AKT3: variants seen among roughly 807,000 people sequenced by gnomAD.
AKT3 encodes AKT serine/threonine kinase 3.
Under a neutral mutation model 65.3 loss-of-function variants are expected in AKT3, and 15 were observed. That is an observed-to-expected ratio of 0.23 (90% CI 0.15 to 0.35). The LOEUF (loss-of-function observed/expected upper bound fraction) is 0.35, where lower values mean the gene tolerates loss of function less well. Ranked by LOEUF, AKT3 falls within the 10% of genes least tolerant of loss-of-function variation. The probability of loss-of-function intolerance (pLI) is 1.00; values close to 1 mark genes in which losing one functional copy is unlikely to be tolerated. For synonymous variants in AKT3, 206 were observed against 183.8 expected, an observed-to-expected ratio of 1.12 and a Z score of -0.98; for missense variants, 243 against 576.5, an observed-to-expected ratio of 0.42 and a Z score of 5.92.
rs1669533056 is a variant in AKT3, at chr1:243,504,479, T to G, written c.*770A>C. 5.1e-6 allele frequency: 1 copy of G among 194,976 alleles called. No homozygotes were observed. Among genetic ancestry groups the G allele is most frequent in the African/African-American group, 2.3e-5 (1 of 43,096 alleles). The allele number at this position is 194,976 out of a possible 1,614,324, so 12.1% of individuals were successfully genotyped here. A position where few individuals can be genotyped will look rare whatever the true frequency, so the allele number is the denominator to read the frequency against. On this transcript the variant is annotated 3_prime_UTR_variant, in exon 14 of 14. Coordinates refer to ENST00000673466, the MANE Select transcript of AKT3 (RefSeq NM_005465.7). ...GGGAAAGATGCTCTCTGGCTCAAAT[T>G]GTTTCATAAGACCCTTTAAGTGACC...
At chr1:243,598,341 A>G (rs1227839201) in intron 8 of AKT3, among the ~76,000 whole-genome samples, 1 of 152,210 alleles carries the variant, frequency 6.6e-6, no homozygotes, top group African/African-American at 2.4e-5. Flanking sequence ...CTGCTAAAAT[A>G]GGGAGCTTAT....
intron 2 of AKT3, among the ~76,000 whole-genome samples, chr1:243,814,239 T>A (rs1693371625): frequency 6.6e-6 from 1 of 152,210 alleles, no homozygotes; most frequent in Non-Finnish European, 1.5e-5. Context: ...TTCTCTTCTT[T>A]CCAATCACTG....
intron 6 of AKT3, among the ~76,000 whole-genome samples, chr1:243,623,389 T>G (rs1432853677): frequency 6.6e-6 from 1 of 152,194 alleles, no homozygotes; most frequent in Non-Finnish European, 1.5e-5. Context: ...AAGGAATACC[T>G]AGAGAACTGG....
chr1:243,575,662 G>T (rs1271128208), intron 8 of AKT3, among the ~76,000 whole-genome samples: 1 of 152,150 alleles, frequency 6.6e-6, no homozygotes, highest in Non-Finnish European at 1.5e-5. Flanking sequence ...ATTAATCTGT[G>T]CTGGCATCAT....
At chr1:243,729,686 GA>G (rs1269184833) in intron 2 of AKT3, among the ~76,000 whole-genome samples, 4 of 151,880 alleles carry the variant, frequency 2.6e-5, no homozygotes, top group Non-Finnish European at 4.4e-5. Flanking sequence ...AATATTAAGA[GA>G]AAAAAAGCAA....
intron 5 of AKT3, among the ~76,000 whole-genome samples, chr1:243,638,883 C>A (rs1308229723): frequency 6.7e-6 from 1 of 149,996 alleles, no homozygotes; most frequent in Non-Finnish European, 1.5e-5. Context: ...CAGATCAGAG[C>A]AGAAATCAAT....
At chr1:243,712,589 A>G (rs1287209265) in intron 2 of AKT3, among the ~76,000 whole-genome samples, 1 of 152,146 alleles carries the variant, frequency 6.6e-6, no homozygotes, top group African/African-American at 2.4e-5. Flanking sequence ...GGCGGAAAAA[A>G]GAAAAAAGGA....
At chr1:243,754,495 C>T (rs1558780869) in intron 2 of AKT3, among the ~76,000 whole-genome samples, 1 of 152,106 alleles carries the variant, frequency 6.6e-6, no homozygotes, top group Non-Finnish European at 1.5e-5. Flanking sequence ...GGTGCTGTTA[C>T]CAAGTGCAGG....
intron 2 of AKT3, among the ~76,000 whole-genome samples, chr1:243,773,044 G>A (rs1690292873): frequency 7.9e-6 from 1 of 125,842 alleles, no homozygotes; most frequent in East Asian, 2.7e-4. Flanking sequence ...TTGTGGGGTG[G>A]GGGGAGGGGG....
chr1:243,496,200 G>T (rs891910949), downstream of AKT3, among the ~76,000 whole-genome samples: 2 of 152,246 alleles, frequency 1.3e-5, no homozygotes, highest in African/African-American at 4.8e-5. Context: ...TTGGGAAGTG[G>T]CTGGGCAGGG....
rs139511632 is a variant in AKT3, at chr1:243,654,614, C to T, written c.285-8577G>A. On this transcript the variant is annotated intron_variant, in intron 4 of 13. Transcript: ENST00000673466. Reference sequence around the variant, plus strand: ...GATTATAGGCATAAGACACAATGCCCAGCCTCTTTCAATTTTTTACTGAAA... The same window carrying T: ...GATTATAGGCATAAGACACAATGCCTAGCCTCTTTCAATTTTTTACTGAAA... Among the ~76,000 whole-genome samples, 174 of 152,232 alleles carry T rather than the reference C, an allele frequency of 1.1e-3. 1 individual carries two copies. The highest frequency in any genetic ancestry group is 2.8e-3 in the African/African-American group (115 of 41,566).
chr1:243,618,360 G>A (rs924932046), intron 6 of AKT3, among the ~76,000 whole-genome samples: 1 of 152,082 alleles, frequency 6.6e-6, no homozygotes, highest in East Asian at 1.9e-4. Flanking sequence ...ATATTTAATG[G>A]TACTGTATTT....
At chr1:243,663,141 T>C (rs1044388242) in intron 4 of AKT3, among the ~76,000 whole-genome samples, 1 of 152,222 alleles carries the variant, frequency 6.6e-6, no homozygotes, top group Non-Finnish European at 1.5e-5. Context: ...AAGGAAGCCA[T>C]CATCTTTGCT....
At chr1:243,702,673 C>T (rs931940154) in intron 2 of AKT3, among the ~76,000 whole-genome samples, 5 of 152,020 alleles carry the variant, frequency 3.3e-5, no homozygotes, top group South Asian at 2.1e-4. Context: ...AATGAGGCAA[C>T]GATGAATTTT....
chr1:243,526,058 A>T (rs1671049507), intron 12 of AKT3, among the ~76,000 whole-genome samples: 2 of 151,616 alleles, frequency 1.3e-5, no homozygotes, highest in South Asian at 4.2e-4. Flanking sequence ...GTGTGTGTGT[A>T]AAGAGATTAC....
chr1:243,621,797 G>T (rs1446435147), intron 6 of AKT3, among the ~76,000 whole-genome samples: 3 of 152,086 alleles, frequency 2.0e-5, no homozygotes, highest in African/African-American at 7.2e-5. Flanking sequence ...TCTTAACAAT[G>T]ATCTCCAACT....
intron 2 of AKT3, among the ~76,000 whole-genome samples, chr1:243,793,805 C>T (rs983988543): frequency 6.6e-6 from 1 of 151,052 alleles, no homozygotes; most frequent in African/African-American, 2.4e-5. Context: ...TGAAGAAAAC[C>T]GACTATTTAT....
Position 243,594,993 on chromosome 1 carries a change from A to G in AKT3, c.696+18678T>C, listed in dbSNP as rs113942224. On this transcript the variant is annotated intron_variant, in intron 8 of 13. Coordinates refer to ENST00000673466, the MANE Select transcript of AKT3 (RefSeq NM_005465.7). Reference sequence around the variant, plus strand: ...ACATAAAAATTAAAATGGATCACAGACCTATACATGTAATAGGTACAACTT... The same window carrying G: ...ACATAAAAATTAAAATGGATCACAGGCCTATACATGTAATAGGTACAACTT... Among the ~76,000 whole-genome samples, 135 of 152,338 alleles carry G rather than the reference A, an allele frequency of 8.9e-4. 1 individual carries two copies. The highest frequency in any genetic ancestry group is 3.0e-3 in the African/African-American group (126 of 41,578).
intron 2 of AKT3, among the ~76,000 whole-genome samples, chr1:243,726,030 C>T (rs1423420249): frequency 2.2e-5 from 3 of 138,220 alleles, no homozygotes; most frequent in Non-Finnish European, 4.7e-5. Context: ...TCTGGAATTT[C>T]ATGCCTCCAA....
Sources: allele counts gnomAD v4.1 joint callset (sites outside exome capture counted in the v4.1 genomes callset), GRCh38; gene constraint gnomAD v4.1.1; transcripts MANE v1.5; gene names NCBI Gene and HGNC (gene_info 2026-07-23, HGNC 2026-07-21).